The following PCDHA3 variants were observed in gnomAD, a reference collection of about 807,000 sequenced individuals.
PCDHA3 encodes protocadherin alpha 3.
PCDHA3 carries 41 observed loss-of-function variants against 62.2 expected under a neutral mutation model. The observed-to-expected ratio is 0.66, with a 90% CI of 0.51 to 0.86. PCDHA3 has a LOEUF of 0.86. Among genes scored for constraint, PCDHA3 ranks in the 40% least tolerant of loss-of-function variants. The pLI is 0.00. For missense variants in PCDHA3, 1,304 were observed against 1,241.2 expected, an observed-to-expected ratio of 1.05 and a Z score of -0.76; for synonymous variants, 640 against 555.4, an observed-to-expected ratio of 1.15 and a Z score of -2.14.
At chr5:141,001,473 G>A (rs1172395730) in intron 3 of PCDHA3, among the ~76,000 whole-genome samples, 1 of 152,220 alleles carries the variant, frequency 6.6e-6, no homozygotes, top group African/African-American at 2.4e-5. Flanking sequence ...AAGCAGCAGC[G>A]GGGAAGTGCT....
At chr5:140,864,471 G>A (rs924017911) in intron 1 of PCDHA3, 23 of 152,218 alleles carry the variant, frequency 1.5e-4, no homozygotes, top group African/African-American at 5.3e-4. Context: ...TTTTTGAGAT[G>A]TTGATTGCAG....
chr5:140,947,321 A>C (rs1365578593), intron 1 of PCDHA3, among the ~76,000 whole-genome samples: 5 of 151,748 alleles, frequency 3.3e-5, no homozygotes, highest in East Asian at 3.9e-4. Flanking sequence ...AAGTCGGTTG[A>C]CCATAAATGT....
At chr5:140,877,736 G>A (rs979836328) in intron 1 of PCDHA3, 22 of 1,614,170 alleles carry the variant, frequency 1.4e-5, no homozygotes, top group East Asian at 2.2e-5. Flanking sequence ...CAGCAGAGGA[G>A]GCAGAGGGTG....
At chr5:140,871,475 G>A in intron 1 of PCDHA3, 1 of 1,598,972 alleles carries the variant, frequency 6.3e-7, no homozygotes, top group Non-Finnish European at 8.5e-7. Context: ...CAGGAGCCAG[G>A]GTCAAATCAC....
At chr5:140,807,152 C>G in intron 1 of PCDHA3, 1 of 1,579,498 alleles carries the variant, frequency 6.3e-7, no homozygotes. Flanking sequence ...CTTTGAGAAA[C>G]GATATTTAAT....
At position 140,882,079 on chromosome 5, in the gene PCDHA3, G is replaced by C. The variant is rs2058940272; in HGVS notation, c.2394+78488G>C. 3.1e-6 allele frequency: 3 copies of C among 952,854 alleles called. No homozygotes were observed. In the East Asian group the frequency reaches 7.8e-5, roughly 25 times the overall value. The allele number at this position is 952,854 out of a possible 1,614,324, so 59.0% of individuals were successfully genotyped here. A position where few individuals can be genotyped will look rare whatever the true frequency, so the allele number is the denominator to read the frequency against. On this transcript the variant is annotated intron_variant, in intron 1 of 3. Transcript: ENST00000522353. ...CTTACACGTTCATGCGCATGGTGTCGCTCTTCACTGAGAACGTTTCCGCGA... is the reference window on the plus strand; with the variant it reads ...CTTACACGTTCATGCGCATGGTGTCCCTCTTCACTGAGAACGTTTCCGCGA...
chr5:140,900,717 A>G (rs2068252980), intron 1 of PCDHA3, among the ~76,000 whole-genome samples: 1 of 152,136 alleles, frequency 6.6e-6, no homozygotes, highest in South Asian at 2.1e-4. Flanking sequence ...AAGAAAGGAA[A>G]TCCTACCTAG....
intron 1 of PCDHA3, chr5:140,882,976 T>A: frequency 6.2e-7 from 1 of 1,614,220 alleles, no homozygotes; most frequent in South Asian, 1.1e-5. Context: ...TGGACGTGAA[T>A]GACAACGCCC....
rs1554214039 is a variant in PCDHA3 at position 140,941,214 on chromosome 5, C to CTTTCTTTCTTTCTTTCTTTCTTTCTTT, written c.2395-37735_2395-37734insTTTCTTTCTTTCTTTCTTTCTTTCTTT. ...TTTTTTCTTTCTTCCTTTCTTTCTTCCTTTCTTTCTTTCTTTCTTTCTTTC... is the reference window on the plus strand; with the variant it reads ...TTTTTTCTTTCTTCCTTTCTTTCTTCTTTCTTTCTTTCTTTCTTTCTTTCTTTCTTTCTTTCTTTCTTTCTTTCTTTC... On this transcript the variant is annotated intron_variant, in intron 1 of 3. Coordinates refer to ENST00000522353, the MANE Select transcript of PCDHA3 (RefSeq NM_018906.3). Among the ~76,000 whole-genome samples the CTTTCTTTCTTTCTTTCTTTCTTTCTTT allele has an allele frequency of 4.7e-4, 57 of 122,484 alleles. 1 individual carries two copies. The highest frequency in any genetic ancestry group is 1.6e-3 in the East Asian group (7 of 4,322). The allele number at this position is 122,484 out of a possible 152,430, so 80.4% of individuals were successfully genotyped here.
Position 140,842,608 on chromosome 5 carries a change from C to G in PCDHA3, c.2394+39017C>G. On this transcript the variant is annotated intron_variant, in intron 1 of 3. Transcript: ENST00000522353. ...ATGAGTTGGTGGTAACCGCGCGGGACGGGGGCTCGCCTTCGCTGTGGGCCA... is the reference window on the plus strand; with the variant it reads ...ATGAGTTGGTGGTAACCGCGCGGGAGGGGGGCTCGCCTTCGCTGTGGGCCA... The G allele has an allele frequency of 1.9e-6, 3 of 1,557,216 alleles. No homozygotes were observed. The East Asian group carries it at 6.8e-5, about 35-fold the overall frequency.
chr5:140,850,297 C>G, intron 1 of PCDHA3: 2 of 1,596,438 alleles, frequency 1.3e-6, no homozygotes, highest in Non-Finnish European at 1.7e-6. Flanking sequence ...GACGCCGACT[C>G]GGGCTACAAC....
At chr5:140,891,025 T>G (rs1554184622) in intron 1 of PCDHA3, among the ~76,000 whole-genome samples, 1 of 151,814 alleles carries the variant, frequency 6.6e-6, no homozygotes, top group African/African-American at 2.4e-5. Flanking sequence ...TCTGAGGGTA[T>G]AATCTTAGGT....
At chr5:140,835,658 T>G (rs2150240988) in intron 1 of PCDHA3, 43 of 1,613,884 alleles carry the variant, frequency 2.7e-5, no homozygotes, top group African/African-American at 2.3e-4. Context: ...AGCTGGTGGT[T>G]ACCGCGCGGG....
chr5:140,860,413 C>T (rs2046383451), intron 1 of PCDHA3: 1 of 152,018 alleles, frequency 6.6e-6, no homozygotes, highest in African/African-American at 2.4e-5. Context: ...AATAGTAACA[C>T]CATTATCCTG....
intron 1 of PCDHA3, among the ~76,000 whole-genome samples, chr5:140,878,377 T>C (rs2057568265): frequency 6.6e-6 from 1 of 152,274 alleles, no homozygotes; most frequent in Non-Finnish European, 1.5e-5. Flanking sequence ...ATATGATGAA[T>C]GATTTTCTTC....
intron 1 of PCDHA3, chr5:140,968,903 A>G: frequency 6.2e-7 from 1 of 1,614,216 alleles, no homozygotes; most frequent in Non-Finnish European, 8.5e-7. Context: ...AATAGCATTA[A>G]GCACAGTGTC....
intron 1 of PCDHA3, chr5:140,875,985 G>T: frequency 6.2e-7 from 1 of 1,613,950 alleles, no homozygotes; most frequent in South Asian, 1.1e-5. Context: ...TGACCTATGC[G>T]TTAAGTCTAA....
chr5:140,990,869 G>A (rs2097420316), intron 3 of PCDHA3, among the ~76,000 whole-genome samples: 3 of 152,192 alleles, frequency 2.0e-5, no homozygotes, highest in African/African-American at 4.8e-5. Context: ...TGTATTTTAA[G>A]TGTATGTTCC....
At chr5:140,946,059 G>T (rs979423479) in intron 1 of PCDHA3, among the ~76,000 whole-genome samples, 4 of 152,038 alleles carry the variant, frequency 2.6e-5, no homozygotes, top group Non-Finnish European at 4.4e-5. Flanking sequence ...CAGAATGGGA[G>T]AAAATATTTG....
Sources: allele counts gnomAD v4.1 joint callset (sites outside exome capture counted in the v4.1 genomes callset), GRCh38; gene constraint gnomAD v4.1.1; transcripts MANE v1.5; gene names NCBI Gene and HGNC (gene_info 2026-07-23, HGNC 2026-07-21).